Variants in CSRNP3 observed in about 807,000 individuals in gnomAD.
CSRNP3 encodes the protein cysteine/serine-rich nuclear protein 3.
In CSRNP3, 12 loss-of-function variants were observed where a neutral mutation model predicts 48.0. The observed-to-expected ratio is 0.25, with a 90% confidence interval of 0.16 to 0.41. CSRNP3 has a LOEUF of 0.41. CSRNP3 is among the 10% of genes least tolerant of loss of function. CSRNP3 has a pLI of 1.00. For missense variants in CSRNP3, 580 were observed against 724.4 expected (o/e 0.80, Z 2.29); for synonymous variants, 263 against 269.7 (o/e 0.98, Z 0.24).
intron 4 of CSRNP3, among the ~76,000 whole-genome samples, chr2:165,606,494 C>A (rs766382897): frequency 6.6e-6 from 1 of 151,848 alleles, no homozygotes; most frequent in Non-Finnish European, 1.5e-5. Flanking sequence ...AAGAAGACAT[C>A]ATTTCACGTA....
chr2:165,651,454 T>G (rs1184568815), intron 4 of CSRNP3, among the ~76,000 whole-genome samples: 1 of 152,212 alleles, frequency 6.6e-6, no homozygotes, highest in Admixed American at 6.5e-5. Context: ...GAATATTTAT[T>G]TCACCAGAGT....
intron 5 of CSRNP3, among the ~76,000 whole-genome samples, chr2:165,673,657 A>C (rs887155903): frequency 6.6e-6 from 1 of 152,146 alleles, no homozygotes; most frequent in African/African-American, 2.4e-5. Context: ...ATTTGCTAAA[A>C]TCTTACTACA....
intron 2 of CSRNP3, among the ~76,000 whole-genome samples, chr2:165,499,379 G>A (rs1164230597): frequency 6.6e-6 from 1 of 152,122 alleles, no homozygotes; most frequent in Non-Finnish European, 1.5e-5. Context: ...GCAAGTGAAT[G>A]CAGGAAGGAA....
At position 165,521,397 on chromosome 2, in the gene CSRNP3, G is replaced by A. The variant is rs76580772; in HGVS notation, c.-24+3436G>A. ...CAAAAGCAGGTAGAAAATAGCATATGCTTTCTTTAAATTCCTTTGCTTTCA... is the reference window on the plus strand; with the variant it reads ...CAAAAGCAGGTAGAAAATAGCATATACTTTCTTTAAATTCCTTTGCTTTCA... On this transcript the variant is annotated intron_variant, in intron 3 of 6. Transcript: ENST00000651982. 5.4e-3 allele frequency among the ~76,000 whole-genome samples: 824 copies of A among 152,250 alleles called. 7 individuals carry two copies. The highest frequency in any genetic ancestry group is 0.019 in the African/African-American group (771 of 41,540).
chr2:165,503,433 C>T (rs965122436), intron 2 of CSRNP3, among the ~76,000 whole-genome samples: 4 of 151,812 alleles, frequency 2.6e-5, no homozygotes, highest in Admixed American at 2.6e-4. Flanking sequence ...TTAAAACCAA[C>T]ATTAGTGTTA....
intron 3 of CSRNP3, among the ~76,000 whole-genome samples, chr2:165,561,178 G>A (rs979582358): frequency 1.3e-5 from 2 of 152,124 alleles, no homozygotes; most frequent in African/African-American, 4.8e-5. Context: ...AAGAGCATTA[G>A]TTTAAACTAG....
At chr2:165,549,811 A>C (rs533143300) in intron 3 of CSRNP3, among the ~76,000 whole-genome samples, 1 of 152,154 alleles carries the variant, frequency 6.6e-6, no homozygotes, top group African/African-American at 2.4e-5. Flanking sequence ...GCTTTGTTGT[A>C]GTCTATATGG....
At chr2:165,668,684 G>A (rs192188627) in intron 5 of CSRNP3, among the ~76,000 whole-genome samples, 1 of 152,242 alleles carries the variant, frequency 6.6e-6, no homozygotes, top group East Asian at 1.9e-4. Context: ...ACAGGTGTCA[G>A]CCACCACGCC....
intron 3 of CSRNP3, among the ~76,000 whole-genome samples, chr2:165,550,554 T>TA: frequency 6.6e-6 from 1 of 152,370 alleles, no homozygotes; most frequent in Non-Finnish European, 1.5e-5. Context: ...AAAATATGCT[T>TA]ACGTTGTTCC....
chr2:165,560,921 T>G (rs1340568578), intron 3 of CSRNP3, among the ~76,000 whole-genome samples: 1 of 152,184 alleles, frequency 6.6e-6, no homozygotes, highest in Non-Finnish European at 1.5e-5. Flanking sequence ...TTTGGCTCAG[T>G]GGAGCTTACA....
intron 2 of CSRNP3, among the ~76,000 whole-genome samples, chr2:165,507,015 A>G (rs1040012047): frequency 1.3e-5 from 2 of 152,204 alleles, no homozygotes. Flanking sequence ...ATAAACATGA[A>G]AAAAAGCTAA....
chr2:165,510,110 G>A (rs967259629), intron 2 of CSRNP3, among the ~76,000 whole-genome samples: 2 of 152,090 alleles, frequency 1.3e-5, no homozygotes, highest in African/African-American at 2.4e-5. Flanking sequence ...TAATATTCAC[G>A]TTAGTCAGTT....
At chr2:165,563,969 GT>G (rs1450202326) in intron 3 of CSRNP3, among the ~76,000 whole-genome samples, 4 of 152,004 alleles carry the variant, frequency 2.6e-5, no homozygotes, top group Admixed American at 6.6e-5. Context: ...ATCATGCAGG[GT>G]TTGGCAGCTG....
chr2:165,531,535 T>C (rs1684811588), intron 3 of CSRNP3, among the ~76,000 whole-genome samples: 1 of 152,192 alleles, frequency 6.6e-6, no homozygotes, highest in South Asian at 2.1e-4. Context: ...GATATTTTGC[T>C]GAGAATGATG....
At chr2:165,571,545 T>C (rs1685374191) in intron 3 of CSRNP3, among the ~76,000 whole-genome samples, 1 of 152,024 alleles carries the variant, frequency 6.6e-6, no homozygotes, top group Non-Finnish European at 1.5e-5. Context: ...GGAAAATTCC[T>C]GTAAATGTTG....
At chr2:165,603,184 C>T (rs1028760265) in intron 4 of CSRNP3, among the ~76,000 whole-genome samples, 9 of 152,108 alleles carry the variant, frequency 5.9e-5, no homozygotes, top group Admixed American at 3.9e-4. Flanking sequence ...CGTGAGCCAC[C>T]GCGCCCGGCC....
intron 4 of CSRNP3, among the ~76,000 whole-genome samples, chr2:165,613,015 G>A (rs1686165366): frequency 6.6e-6 from 1 of 152,060 alleles, no homozygotes; most frequent in South Asian, 2.1e-4. Flanking sequence ...CATAATGGCT[G>A]TACTAATTTA....
rs1687185609 is a variant in CSRNP3 at position 165,666,042 on chromosome 2, A to AGGAG, written c.408+8025_408+8026insGGGA. Among the ~76,000 whole-genome samples the AGGAG allele has an allele frequency of 4.9e-5, 2 of 40,686 alleles. 1 individual carries two copies. 26.7% of individuals were successfully genotyped at this position (40,686 alleles called of 152,430 possible). A position where few individuals can be genotyped will look rare whatever the true frequency, so the allele number is the denominator to read the frequency against. Reference sequence around the variant, plus strand: ...GAAAGAGAGAGAGAGGAAGGGAGGAAGGAAGGAAAGAGAGAGGAAGAAAGA... The same window carrying AGGAG: ...GAAAGAGAGAGAGAGGAAGGGAGGAAGGAGGGAAGGAAAGAGAGAGGAAGAAAGA... On this transcript the variant is annotated intron_variant, in intron 5 of 6. Transcript: ENST00000651982.
rs181705247 is a variant in CSRNP3, at chr2:165,518,778, T to A, written c.-24+817T>A. Among the ~76,000 whole-genome samples the A allele has an allele frequency of 8.6e-4, 131 of 152,184 alleles. 5 individuals carry two copies. In the East Asian group the frequency reaches 0.016, roughly 19 times the overall value. The stretch of plus-strand genomic sequence containing the variant: ...GTCAGGCATGTCTTCAGTATCTGTA[T>A]CTATTTCTCATTCTTCCAAGGGTTT... On this transcript the variant is annotated intron_variant, in intron 3 of 6. Transcript: ENST00000651982.
Sources: allele counts gnomAD v4.1 joint callset (sites outside exome capture counted in the v4.1 genomes callset), GRCh38; gene constraint gnomAD v4.1.1; transcripts MANE v1.5; gene names NCBI Gene and HGNC (gene_info 2026-07-23, HGNC 2026-07-21).